CTNNA3: variants seen among roughly 807,000 people sequenced by gnomAD.
CTNNA3 encodes catenin alpha 3.
Under a neutral mutation model 95.7 loss-of-function variants are expected in CTNNA3, and 76 were observed. The observed-to-expected ratio is 0.79, with a 90% confidence interval of 0.66 to 0.96. The LOEUF (loss-of-function observed/expected upper bound fraction) is 0.96. Ranked by LOEUF, CTNNA3 falls within the 40% of genes least tolerant of loss-of-function variation. CTNNA3 has a pLI of 0.00. For synonymous variants in CTNNA3, 431 were observed against 374.4 expected, an observed-to-expected ratio of 1.15 and a Z score of -1.74; for missense variants, 1,191 against 1,089.8, an observed-to-expected ratio of 1.09 and a Z score of -1.31.
At chr10:66,073,134 G>A (rs2080475874) in intron 14 of CTNNA3, among the ~76,000 whole-genome samples, 1 of 152,120 alleles carries the variant, frequency 6.6e-6, no homozygotes, top group African/African-American at 2.4e-5. Flanking sequence ...TGGGGGAGGG[G>A]GTTTGAGAAG....
At chr10:66,485,549 C>T (rs965291182) in intron 11 of CTNNA3, among the ~76,000 whole-genome samples, 2 of 151,956 alleles carry the variant, frequency 1.3e-5, no homozygotes, top group African/African-American at 4.8e-5. Context: ...GGTGAAAGAT[C>T]TGTTTACTAA....
chr10:67,101,718 T>C (rs16924034), intron 7 of CTNNA3, among the ~76,000 whole-genome samples: 3,687 of 151,886 alleles, frequency 0.024, 131 homozygotes, highest in African/African-American at 0.077. Flanking sequence ...TCTGACTCCA[T>C]TGACTGCTTA....
chr10:67,170,074 C>G (rs1223058714), intron 7 of CTNNA3, among the ~76,000 whole-genome samples: 1 of 152,032 alleles, frequency 6.6e-6, no homozygotes, highest in Non-Finnish European at 1.5e-5. Flanking sequence ...AGTGAGATAC[C>G]ATCTCACACC....
rs181188084 is a variant in CTNNA3 at position 66,772,918 on chromosome 10, C to T, written c.1128+2526G>A. Among the ~76,000 whole-genome samples, 16 of 152,254 alleles carry T rather than the reference C, an allele frequency of 1.1e-4. No individual in the cohort carries two copies. In the East Asian group the frequency reaches 2.1e-3, roughly 20 times the overall value. ...AAGATAAAACCAGTTCTAAAGCAAA[C>T]GATGAACATTAAATACTCCAAAGAA... On this transcript the variant is annotated intron_variant, in intron 8 of 17. Transcript: ENST00000433211.
intron 10 of CTNNA3, among the ~76,000 whole-genome samples, chr10:66,567,048 G>GAGAGAAAGAGGGATGGGAGGGGAA (rs1842729160): frequency 7.7e-6 from 1 of 129,382 alleles, no homozygotes; most frequent in African/African-American, 2.9e-5. Context: ...GGAGGGGGTA[G>GAGAGAAAGAGGGATGGGAGGGGAA]GGAGAAAGAG....
intron 13 of CTNNA3, among the ~76,000 whole-genome samples, chr10:66,228,429 T>A (rs1406411315): frequency 6.6e-6 from 1 of 152,108 alleles, no homozygotes; most frequent in Non-Finnish European, 1.5e-5. Context: ...TAATTGACCA[T>A]TCAGGGGCAC....
intron 3 of CTNNA3, among the ~76,000 whole-genome samples, chr10:67,578,998 T>TAG (rs1232470122): frequency 2.0e-5 from 1 of 50,046 alleles, no homozygotes; most frequent in Non-Finnish European, 3.0e-5. Flanking sequence ...ATCATAGTGA[T>TAG]ATATATATAT....
At chr10:67,301,267 C>A (rs1044536306) in intron 5 of CTNNA3, among the ~76,000 whole-genome samples, 2 of 152,130 alleles carry the variant, frequency 1.3e-5, no homozygotes, top group African/African-American at 4.8e-5. Flanking sequence ...GCCAGGGACT[C>A]CACAATCTTT....
chr10:66,349,236 C>G (rs569327300), intron 12 of CTNNA3, among the ~76,000 whole-genome samples: 1 of 151,982 alleles, frequency 6.6e-6, no homozygotes. Context: ...AAAGAAGAAA[C>G]TGAAGCCCTC....
rs917850709 is a variant in CTNNA3 at position 67,364,449 on chromosome 10, G to T, written c.580-144579C>A. ...CCCTCTCTCACCACTCCTATTCAAT[G>T]TAGTGTTGGAAGTCCTGGCCAGGGC... On this transcript the variant is annotated intron_variant, in intron 5 of 17. Coordinates refer to ENST00000433211, the MANE Select transcript of CTNNA3 (RefSeq NM_013266.4). Among the ~76,000 whole-genome samples the T allele has an allele frequency of 6.6e-5, 10 of 152,234 alleles. No individual in the cohort carries two copies. In the East Asian group the frequency reaches 1.7e-3, roughly 26 times the overall value.
At chr10:66,351,206 T>G (rs1313730954) in intron 12 of CTNNA3, among the ~76,000 whole-genome samples, 1 of 152,064 alleles carries the variant, frequency 6.6e-6, no homozygotes. Context: ...ACAGTAATCA[T>G]GACCACTCCG....
intron 1 of CTNNA3, among the ~76,000 whole-genome samples, chr10:67,653,713 T>C (rs2133499601): frequency 6.6e-6 from 1 of 152,320 alleles, no homozygotes; most frequent in African/African-American, 2.4e-5. Context: ...CATTATCTTA[T>C]TTGGGATTAT....
At chr10:66,040,099 A>G (rs916293080) in intron 15 of CTNNA3, among the ~76,000 whole-genome samples, 1 of 152,196 alleles carries the variant, frequency 6.6e-6, no homozygotes, top group South Asian at 2.1e-4. Context: ...CAAGACATAC[A>G]TGTAGCCAAC....
chr10:67,609,396 GA>G (rs1362953317), intron 2 of CTNNA3, among the ~76,000 whole-genome samples: 2 of 151,918 alleles, frequency 1.3e-5, no homozygotes, highest in African/African-American at 4.8e-5. Flanking sequence ...TTTGTTTATG[GA>G]GCATTCGATG....
intron 5 of CTNNA3, among the ~76,000 whole-genome samples, chr10:67,423,860 A>G (rs1260568651): frequency 2.0e-5 from 3 of 152,296 alleles, no homozygotes; most frequent in East Asian, 1.9e-4. Flanking sequence ...TTCAATCTTT[A>G]CAAGTTACTA....
At chr10:66,220,036 T>C (rs2088831152) in intron 13 of CTNNA3, among the ~76,000 whole-genome samples, 1 of 151,894 alleles carries the variant, frequency 6.6e-6, no homozygotes, top group South Asian at 2.1e-4. Context: ...GGCAGGAGAA[T>C]CACTTGAACC....
At chr10:67,010,129 T>C (rs987769137) in intron 7 of CTNNA3, among the ~76,000 whole-genome samples, 1 of 152,212 alleles carries the variant, frequency 6.6e-6, no homozygotes, top group African/African-American at 2.4e-5. Flanking sequence ...TAACTAGTAC[T>C]ATGGCATTAC....
intron 9 of CTNNA3, among the ~76,000 whole-genome samples, chr10:66,647,230 A>G (rs1488236377): frequency 3.9e-5 from 6 of 152,162 alleles, no homozygotes; most frequent in Admixed American, 3.9e-4. Flanking sequence ...GTCAAAGTAT[A>G]TATCATCTGT....
intron 1 of CTNNA3, among the ~76,000 whole-genome samples, chr10:67,721,526 T>C (rs935418283): frequency 1.3e-5 from 2 of 152,190 alleles, no homozygotes; most frequent in Non-Finnish European, 2.9e-5. Flanking sequence ...TATGTTCTTC[T>C]CTAAACTGCT....
Sources: gnomAD v4.1 joint callset for allele counts (sites outside exome capture counted in the v4.1 genomes callset) on GRCh38, gnomAD v4.1.1 for gene constraint, MANE v1.5 for transcripts, NCBI Gene and HGNC (gene_info 2026-07-23, HGNC 2026-07-21) for gene names.